The following CSMD1 variants were observed in gnomAD, a reference collection of about 807,000 sequenced individuals.
The protein encoded by CSMD1 is CUB and sushi domain-containing protein 1.
CSMD1 carries 213 observed loss-of-function variants against 417.5 expected under a neutral mutation model. That is an observed-to-expected ratio of 0.51 (90% CI 0.46 to 0.57). The LOEUF is 0.57. Ranked by LOEUF, CSMD1 falls within the 20% of genes least tolerant of loss-of-function variation. The pLI, the probability that CSMD1 is intolerant of heterozygous loss-of-function variation, is 0.00. For synonymous variants in CSMD1, 2,862 were observed against 1,736.8 expected (o/e 1.65, Z -16.11); for missense variants, 6,923 against 4,529.7 (o/e 1.53, Z -15.17).
At chr8:4,880,402 A>C (rs1803313604) in intron 1 of CSMD1, among the ~76,000 whole-genome samples, 1 of 152,106 alleles carries the variant, frequency 6.6e-6, no homozygotes, top group Non-Finnish European at 1.5e-5. Context: ...AAGAGAAGGC[A>C]TCAGAGTATC....
chr8:4,661,481 A>G (rs1804603644), intron 1 of CSMD1, among the ~76,000 whole-genome samples: 1 of 152,178 alleles, frequency 6.6e-6, no homozygotes. Flanking sequence ...GCTATGGGTT[A>G]GGCGGTGGGG....
At chr8:3,337,766 A>G (rs887700933) in intron 23 of CSMD1, among the ~76,000 whole-genome samples, 3 of 152,196 alleles carry the variant, frequency 2.0e-5, no homozygotes, top group Non-Finnish European at 4.4e-5. Context: ...GTAGAGAGAA[A>G]GTCAGCCTAT....
chr8:3,201,803 C>G, intron 31 of CSMD1, 78 bp from the exon 32 acceptor site: 1 of 709,576 alleles, frequency 1.4e-6, no homozygotes, highest in Non-Finnish European at 2.4e-6. Flanking sequence ...CACTGAATAT[C>G]TATTAATTGC....
At chr8:4,002,218 AGT>A (rs1320971095) in intron 4 of CSMD1, among the ~76,000 whole-genome samples, 1 of 142,052 alleles carries the variant, frequency 7.0e-6, no homozygotes, top group Non-Finnish European at 1.6e-5. Context: ...TGTGTGTGTG[AGT>A]GTGTGTGCAT....
chr8:4,188,947 T>A (rs767818831), intron 3 of CSMD1, among the ~76,000 whole-genome samples: 1 of 152,194 alleles, frequency 6.6e-6, no homozygotes, highest in Non-Finnish European at 1.5e-5. Flanking sequence ...TTTACTCAGA[T>A]ATTAGAGCCC....
intron 1 of CSMD1, among the ~76,000 whole-genome samples, chr8:4,729,013 G>A (rs538784245): frequency 7.2e-5 from 11 of 152,260 alleles, no homozygotes; most frequent in African/African-American, 2.6e-4. Context: ...AATCTAGAAG[G>A]CGTTAGTATA....
intron 2 of CSMD1, among the ~76,000 whole-genome samples, chr8:4,561,272 G>A (rs938902462): frequency 3.3e-5 from 5 of 152,204 alleles, no homozygotes; most frequent in African/African-American, 1.2e-4. Flanking sequence ...TACCTGGGAG[G>A]CTGAGGCAGG....
intron 5 of CSMD1, among the ~76,000 whole-genome samples, chr8:3,880,653 T>C (rs1176187656): frequency 6.6e-6 from 1 of 152,226 alleles, no homozygotes; most frequent in East Asian, 1.9e-4. Context: ...TAACCTTTCC[T>C]GTAAAGTCTA....
Position 3,456,350 on chromosome 8 carries a change from C to T in CSMD1, c.1561+12362G>A, listed in dbSNP as rs1252896370. On this transcript the variant is annotated intron_variant, in intron 12 of 69. Transcript: ENST00000635120. ...CCCCAGTGACATGAACGAGGTACCT[C>T]AGTTAGAAATGCAGAAATCACCCAC... Among the ~76,000 whole-genome samples the T allele has an allele frequency of 2.7e-5, 4 of 149,560 alleles. No homozygotes were observed. The East Asian group carries it at 8.0e-4, about 30-fold the overall frequency.
chr8:4,811,448 G>A (rs1798902288), intron 1 of CSMD1, among the ~76,000 whole-genome samples: 1 of 151,876 alleles, frequency 6.6e-6, no homozygotes, highest in Non-Finnish European at 1.5e-5. Flanking sequence ...GATTATTTTT[G>A]TTCTAGAAGA....
At chr8:3,247,312 C>G (rs1287865085) in intron 26 of CSMD1, among the ~76,000 whole-genome samples, 2 of 152,196 alleles carry the variant, frequency 1.3e-5, no homozygotes, top group South Asian at 4.1e-4. Context: ...AATTCTGCTA[C>G]CTGGACGCAG....
chr8:4,994,722 G>A lies in CSMD1; in HGVS notation c.-306C>T. On this transcript the variant is annotated 5_prime_UTR_variant, in exon 1 of 70. Transcript: ENST00000635120. ...GAAGGCACCAAGGCGGCGAGGCTGC[G>A]GGAGGGGGAGAAGCGGGGAGAGGAG... is the stretch of plus-strand genomic sequence containing the variant. The A allele has an allele frequency of 2.9e-6, 1 of 345,042 alleles. No homozygotes were observed. The highest frequency in any genetic ancestry group is 5.3e-6 in the Non-Finnish European group (1 of 189,642). The allele number at this position is 345,042 out of a possible 1,614,324, so 21.4% of individuals were successfully genotyped here. A position where few individuals can be genotyped will look rare whatever the true frequency, so the allele number is the denominator to read the frequency against.
At chr8:4,960,308 T>A (rs528982714) in intron 1 of CSMD1, among the ~76,000 whole-genome samples, 1 of 152,206 alleles carries the variant, frequency 6.6e-6, no homozygotes, top group Non-Finnish European at 1.5e-5. Flanking sequence ...CCCTGATATA[T>A]AGACAAGTGT....
intron 3 of CSMD1, among the ~76,000 whole-genome samples, chr8:4,378,288 T>C (rs550495764): frequency 2.2e-4 from 33 of 152,392 alleles, no homozygotes; most frequent in African/African-American, 7.9e-4. Context: ...ATATAATCCA[T>C]GCAAAGTAAC....
intron 3 of CSMD1, among the ~76,000 whole-genome samples, chr8:4,210,989 C>G (rs1800272980): frequency 6.6e-6 from 1 of 152,116 alleles, no homozygotes; most frequent in African/African-American, 2.4e-5. Flanking sequence ...GCAATTACTA[C>G]AAACAGAAAG....
chr8:3,454,500 C>T (rs1815974248), intron 12 of CSMD1, among the ~76,000 whole-genome samples: 1 of 152,138 alleles, frequency 6.6e-6, no homozygotes, highest in South Asian at 2.1e-4. Context: ...TCTTTTAGGG[C>T]AGGACTGGTG....
At chr8:3,720,056 G>T (rs971196391) in intron 6 of CSMD1, among the ~76,000 whole-genome samples, 1 of 152,184 alleles carries the variant, frequency 6.6e-6, no homozygotes, top group Non-Finnish European at 1.5e-5. Context: ...CAAAGTGCAT[G>T]GAAAATACTT....
At chr8:3,911,006 T>C (rs1277562877) in intron 5 of CSMD1, among the ~76,000 whole-genome samples, 1 of 152,188 alleles carries the variant, frequency 6.6e-6, no homozygotes, top group African/African-American at 2.4e-5. Context: ...GGCCAAGTCC[T>C]ACTTATTCAG....
At chr8:4,540,627 G>T (rs2130511770) in intron 2 of CSMD1, among the ~76,000 whole-genome samples, 1 of 152,240 alleles carries the variant, frequency 6.6e-6, no homozygotes, top group Middle Eastern at 3.4e-3. Flanking sequence ...AACCTTGAGA[G>T]GGGCCAGACA....
Sources: allele counts gnomAD v4.1 joint callset (sites outside exome capture counted in the v4.1 genomes callset), GRCh38; gene constraint gnomAD v4.1.1; transcripts MANE v1.5; gene names NCBI Gene and HGNC (gene_info 2026-07-23, HGNC 2026-07-21).